The following ANXA5 variants were observed in gnomAD, a reference collection of about 807,000 sequenced individuals.
ANXA5 encodes annexin A5.
A neutral mutation model predicts 48.1 loss-of-function variants in ANXA5; 40 were observed. That is an observed-to-expected ratio of 0.83 (90% confidence interval 0.65 to 1.08). The LOEUF (loss-of-function observed/expected upper bound fraction) is 1.08. Among genes scored for constraint, ANXA5 ranks in the 50% least tolerant of loss-of-function variants. ANXA5 has a pLI of 0.00. For missense variants in ANXA5, 357 were observed against 376.8 expected, an observed-to-expected ratio of 0.95 and a Z score of 0.44; for synonymous variants, 113 against 129.1, an observed-to-expected ratio of 0.88 and a Z score of 0.85.
At chr4:121,674,541 T>C (rs988411201) in intron 8 of ANXA5, among the ~76,000 whole-genome samples, 1 of 152,174 alleles carries the variant, frequency 6.6e-6, no homozygotes, top group Non-Finnish European at 1.5e-5. Context: ...CTGTTTTAAA[T>C]GTCTAGAAAT....
chr4:121,696,281 T>C (rs1419854461), intron 2 of ANXA5, among the ~76,000 whole-genome samples: 1 of 152,078 alleles, frequency 6.6e-6, no homozygotes, highest in Non-Finnish European at 1.5e-5. Flanking sequence ...AAGGCCCACT[T>C]TTACACATTC....
intron 4 of ANXA5, 151 bp downstream of exon 4, chr4:121,684,526 T>A: frequency 1.6e-6 from 1 of 635,936 alleles, no homozygotes; most frequent in East Asian, 2.9e-5. Context: ...TAAGAGCTGA[T>A]AATTTAGAGG....
At chr4:121,688,774 T>C (rs6534309) in intron 2 of ANXA5, among the ~76,000 whole-genome samples, 16,122 of 152,214 alleles carry the variant, frequency 0.11, 1,174 homozygotes, top group African/African-American at 0.2. Flanking sequence ...TCCAGGTTGA[T>C]GTCCCAGCCC....
At chr4:121,693,571 G>C (rs1725024114) in intron 2 of ANXA5, among the ~76,000 whole-genome samples, 1 of 152,202 alleles carries the variant, frequency 6.6e-6, no homozygotes, top group Non-Finnish European at 1.5e-5. Context: ...TAACTAGCCT[G>C]ATCACCTATG....
chr4:121,673,887 A>G, intron 8 of ANXA5, among the ~76,000 whole-genome samples: 1 of 151,968 alleles, frequency 6.6e-6, no homozygotes, highest in Admixed American at 6.6e-5. Context: ...AAAATAAGAA[A>G]ATAGAAGTTG....
Position 121,668,193 on chromosome 4 carries a change from A to G in ANXA5, c.*275T>C, listed in dbSNP as rs1041653210. 6 of 286,950 alleles carry G rather than the reference A, an allele frequency of 2.1e-5. No individual in the cohort carries two copies. The East Asian group carries it at 3.7e-4, about 17-fold the overall frequency. 17.8% of individuals were successfully genotyped at this position (286,950 alleles called of 1,614,324 possible). A position where few individuals can be genotyped will look rare whatever the true frequency, so the allele number is the denominator to read the frequency against. ...TTTTAAAAAAGGCTAAAAGCACTCT[A>G]GCCTCTTAAAAAATATATATAAATG... is the stretch of plus-strand genomic sequence containing the variant. On this transcript the variant is annotated 3_prime_UTR_variant, in exon 13 of 13. Transcript: ENST00000296511.
Position 121,669,707 on chromosome 4 carries a change from A to C in ANXA5, c.798T>G (p.Asp266Glu). The C allele has an allele frequency of 6.2e-7, 1 of 1,608,440 alleles. No individual in the cohort carries two copies. Among genetic ancestry groups the C allele is most frequent in the Non-Finnish European group, 8.5e-7 (1 of 1,176,770 alleles). The change falls in exon 12 of 13, where the codon GAT (aspartate) becomes GAG (glutamate). Residue 266 changes from aspartate (D) to glutamate (E), a missense_variant. Transcript: ENST00000296511. Reference sequence around the variant, plus strand: ...AAACCATGACTCTGATGAGGGTATGATCATCTGTCCCAGCTCCCTTTAAAA... The same window carrying C: ...AAACCATGACTCTGATGAGGGTATGCTCATCTGTCCCAGCTCCCTTTAAAA... ...YYAMKGAGTDDHTLIRVMVSR... is the reference protein window; with the variant it reads ...YYAMKGAGTDEHTLIRVMVSR...
intron 12 of ANXA5, 87 bp downstream of exon 12, chr4:121,669,515 G>C (rs1724575946): frequency 1.3e-6 from 2 of 1,512,768 alleles, no homozygotes; most frequent in Non-Finnish European, 1.8e-6. Flanking sequence ...CTTAACACAA[G>C]AATCAGGTTC....
intron 3 of ANXA5, 132 bp from the exon 4 acceptor site, chr4:121,684,903 G>A (rs576247516): frequency 2.9e-5 from 19 of 647,468 alleles, no homozygotes; most frequent in East Asian, 1.2e-4. Context: ...TTTTATGGCC[G>A]GCGCAGTGGC....
intron 6 of ANXA5, among the ~76,000 whole-genome samples, chr4:121,679,592 T>G (rs1724755979): frequency 6.6e-6 from 1 of 152,114 alleles, no homozygotes; most frequent in Non-Finnish European, 1.5e-5. Context: ...ACAATGGACA[T>G]GCACACATCC....
intron 7 of ANXA5, chr4:121,678,175 A>G (rs1258943571): frequency 8.2e-5 from 50 of 608,122 alleles, no homozygotes; most frequent in Non-Finnish European, 1.1e-4. Flanking sequence ...TACCGCTATC[A>G]TTCTATGAAA....
intron 6 of ANXA5, chr4:121,681,398 T>C: frequency 3.7e-6 from 1 of 268,916 alleles, no homozygotes; most frequent in Non-Finnish European, 6.9e-6. Context: ...AGACAACCTG[T>C]ATATCCCTAC....
intron 2 of ANXA5, among the ~76,000 whole-genome samples, chr4:121,694,125 C>A (rs1338580710): frequency 6.9e-6 from 1 of 144,162 alleles, no homozygotes; most frequent in Non-Finnish European, 1.5e-5. Context: ...GGAGGGATAG[C>A]ATTAGGAGAT....
chr4:121,676,686 G>C (rs567559120), intron 8 of ANXA5, among the ~76,000 whole-genome samples: 3 of 145,532 alleles, frequency 2.1e-5, no homozygotes, highest in Admixed American at 7.0e-5. Flanking sequence ...GGGGCGGGGG[G>C]GGGTATGGTT....
At chr4:121,684,227 A>T (rs1553964175) in intron 4 of ANXA5, among the ~76,000 whole-genome samples, 2 of 152,148 alleles carry the variant, frequency 1.3e-5, no homozygotes, top group Non-Finnish European at 2.9e-5. Context: ...ATTCAAATAA[A>T]TTTTTTTGAA....
At chr4:121,689,683 G>A (rs1470897182) in intron 2 of ANXA5, among the ~76,000 whole-genome samples, 2 of 152,118 alleles carry the variant, frequency 1.3e-5, no homozygotes, top group South Asian at 2.1e-4. Flanking sequence ...GGGCACAAAA[G>A]CCATGCTAAA....
At chr4:121,671,483 C>A in intron 10 of ANXA5, 64 bp downstream of exon 10, 2 of 1,214,780 alleles carry the variant, frequency 1.6e-6, no homozygotes, top group South Asian at 2.4e-5. Context: ...CAGATGCAGC[C>A]TCAATTGAAT....
chr4:121,677,896 G>A lies in ANXA5; in HGVS notation c.529C>T (p.Gln177Ter), dbSNP rs1724723943. 2 of 1,612,954 alleles carry A rather than the reference G, an allele frequency of 1.2e-6. No homozygotes were observed. Among genetic ancestry groups the A allele is most frequent in the East Asian group, 2.2e-5 (1 of 44,834 alleles). ...CATCATATCCTGGTGTCACTCACCT[G>A]AGCATCTTGTTCAACTTGAGCTTCA... ...IDEAQVEQDA[Q>*]ALFQAGELKW... Residue 177 changes from glutamine to a stop codon, truncating the protein, a stop_gained and splice_region_variant, in exon 8 of 13, where the codon CAG (glutamine) becomes TAG (stop). Transcript: ENST00000296511. LOFTEE classifies it high-confidence loss of function.
At chr4:121,670,087 T>C in intron 10 of ANXA5, 75 bp from the exon 11 acceptor site, 1 of 1,048,780 alleles carries the variant, frequency 9.5e-7, no homozygotes, top group African/African-American at 1.6e-5. Context: ...AATCAAGTGC[T>C]GCTTCCTGCT....
Sources: gnomAD v4.1 joint callset for allele counts (sites outside exome capture counted in the v4.1 genomes callset) on GRCh38, gnomAD v4.1.1 for gene constraint, MANE v1.5 for transcripts, NCBI Gene and HGNC (gene_info 2026-07-23, HGNC 2026-07-21) for gene names.